Variants in VTI1A observed in about 807,000 individuals in gnomAD.
VTI1A encodes vesicle transport through interaction with t-SNAREs 1A.
Under a neutral mutation model 34.9 loss-of-function variants are expected in VTI1A, and 22 were observed. The observed-to-expected ratio is 0.63, with a 90% CI of 0.45 to 0.90. The LOEUF is 0.90. Ranked by LOEUF, VTI1A falls within the 40% of genes least tolerant of loss-of-function variation. The probability of loss-of-function intolerance (pLI) is 0.00; values close to 1 mark genes in which losing one functional copy is unlikely to be tolerated. For missense variants in VTI1A, 268 were observed against 275.6 expected, an observed-to-expected ratio of 0.97 and a Z score of 0.20; for synonymous variants, 87 against 97.3, an observed-to-expected ratio of 0.89 and a Z score of 0.62.
chr10:112,822,448 G>C (rs946074969), downstream of VTI1A, among the ~76,000 whole-genome samples: 46 of 152,300 alleles, frequency 3.0e-4, no homozygotes, highest in African/African-American at 9.6e-4. Context: ...GCTAACCCTG[G>C]GGGCAGGAAA....
At chr10:112,563,048 C>T (rs1297431901) in intron 5 of VTI1A, among the ~76,000 whole-genome samples, 2 of 152,100 alleles carry the variant, frequency 1.3e-5, no homozygotes, top group African/African-American at 2.4e-5. Flanking sequence ...AGGGACCAGC[C>T]GTACTAGCAC....
chr10:112,711,095 TG>T (rs1849397301), intron 7 of VTI1A, among the ~76,000 whole-genome samples: 1 of 152,238 alleles, frequency 6.6e-6, no homozygotes. Context: ...GTTATATTTT[TG>T]GGTATCATTT....
the VTI1A span, among the ~76,000 whole-genome samples, chr10:112,829,472 T>A: frequency 6.7e-6 from 1 of 148,334 alleles, no homozygotes; most frequent in Non-Finnish European, 1.5e-5. Context: ...ATTGATTGGC[T>A]GGGCACGGTG....
At chr10:112,655,625 ATTC>A (rs888862655) in intron 5 of VTI1A, among the ~76,000 whole-genome samples, 2 of 152,172 alleles carry the variant, frequency 1.3e-5, no homozygotes, top group Admixed American at 6.5e-5. Context: ...GATGAATCCT[ATTC>A]TTGAAATCAG....
At chr10:112,735,002 C>G (rs1850403436) in intron 7 of VTI1A, among the ~76,000 whole-genome samples, 1 of 151,968 alleles carries the variant, frequency 6.6e-6, no homozygotes, top group Non-Finnish European at 1.5e-5. Context: ...TACAAGGACC[C>G]CAAGTCAAGG....
chr10:112,673,174 C>T (rs1016525686), intron 7 of VTI1A, among the ~76,000 whole-genome samples: 12 of 152,000 alleles, frequency 7.9e-5, no homozygotes, highest in Admixed American at 3.3e-4. Context: ...AAAAAAAATT[C>T]GCCAGGTGCA....
intron 3 of VTI1A, among the ~76,000 whole-genome samples, chr10:112,521,369 CA>C (rs1850023501): frequency 6.6e-6 from 1 of 151,982 alleles, no homozygotes; most frequent in Non-Finnish European, 1.5e-5. Context: ...TATGTATTAG[CA>C]AATGATTTTT....
intron 5 of VTI1A, among the ~76,000 whole-genome samples, chr10:112,657,354 A>G (rs1261383249): frequency 1.3e-5 from 2 of 152,196 alleles, no homozygotes; most frequent in African/African-American, 4.8e-5. Flanking sequence ...TAACCCAGGT[A>G]TCTTCTTTCT....
the VTI1A span, among the ~76,000 whole-genome samples, chr10:112,845,810 G>A: frequency 6.6e-6 from 1 of 152,196 alleles, no homozygotes; most frequent in Admixed American, 6.5e-5. Context: ...TTGAGGTCAG[G>A]AATTCGAGAC....
intron 5 of VTI1A, among the ~76,000 whole-genome samples, chr10:112,583,761 G>T (rs1210017451): frequency 6.6e-6 from 1 of 152,196 alleles, no homozygotes; most frequent in Non-Finnish European, 1.5e-5. Flanking sequence ...AGAGCTAGTT[G>T]TGTACTGAAA....
At chr10:112,729,791 G>A (rs1850183544) in intron 7 of VTI1A, among the ~76,000 whole-genome samples, 1 of 152,184 alleles carries the variant, frequency 6.6e-6, no homozygotes, top group South Asian at 2.1e-4. Flanking sequence ...ATTGCAGGCT[G>A]GACACCCTTG....
intron 7 of VTI1A, among the ~76,000 whole-genome samples, chr10:112,777,333 T>C (rs1047001846): frequency 2.0e-5 from 3 of 152,146 alleles, no homozygotes; most frequent in African/African-American, 7.2e-5. Flanking sequence ...TGGGGGTGGA[T>C]TTCTTAGGCC....
chr10:112,729,030 T>C (rs543343581), intron 7 of VTI1A, among the ~76,000 whole-genome samples: 90 of 152,292 alleles, frequency 5.9e-4, no homozygotes, highest in Non-Finnish European at 9.9e-4. Flanking sequence ...GGGTTTTGGT[T>C]TGGGTGGTTT....
intron 5 of VTI1A, among the ~76,000 whole-genome samples, chr10:112,660,233 T>A (rs961113592): frequency 1.3e-5 from 2 of 152,172 alleles, no homozygotes; most frequent in Non-Finnish European, 2.9e-5. Flanking sequence ...CCTGAGTAGC[T>A]GGAACTACAG....
the VTI1A span, among the ~76,000 whole-genome samples, chr10:112,838,983 C>T: frequency 6.6e-6 from 1 of 152,194 alleles, no homozygotes; most frequent in African/African-American, 2.4e-5. Flanking sequence ...AAGAACGCCA[C>T]TTTCTTCCCT....
chr10:112,732,259 T>G (rs1850291677), intron 7 of VTI1A, among the ~76,000 whole-genome samples: 2 of 152,176 alleles, frequency 1.3e-5, no homozygotes, highest in Admixed American at 1.3e-4. Flanking sequence ...TTTGAGAGCC[T>G]TTAAGCCTCT....
intron 7 of VTI1A, among the ~76,000 whole-genome samples, chr10:112,715,751 G>T (rs993803434): frequency 6.6e-6 from 1 of 152,178 alleles, no homozygotes; most frequent in African/African-American, 2.4e-5. Flanking sequence ...TCCTGGGGAT[G>T]ACCTACTTCA....
At chr10:112,843,962 G>C in the VTI1A span, among the ~76,000 whole-genome samples, 1 of 152,134 alleles carries the variant, frequency 6.6e-6, no homozygotes, top group Admixed American at 6.5e-5. Flanking sequence ...TTAGATCCAT[G>C]GTTTGCAGAC....
intron 5 of VTI1A, among the ~76,000 whole-genome samples, chr10:112,574,012 C>T (rs536774369): frequency 1.7e-4 from 26 of 152,288 alleles, no homozygotes; most frequent in African/African-American, 6.3e-4. Context: ...TGTTCATTCT[C>T]ATAGATCTCT....
Sources: gnomAD v4.1 joint callset for allele counts (sites outside exome capture counted in the v4.1 genomes callset) on GRCh38, gnomAD v4.1.1 for gene constraint, MANE v1.5 for transcripts, NCBI Gene and HGNC (gene_info 2026-07-23, HGNC 2026-07-21) for gene names.